Variants in TTN observed in about 807,000 individuals in gnomAD.
TTN encodes the protein connectin.
TTN carries 1,525 observed loss-of-function variants against 3,223.0 expected under a neutral mutation model. The ratio of observed to expected loss-of-function variants is 0.47; its 90% CI spans 0.45 to 0.49. The LOEUF (loss-of-function observed/expected upper bound fraction) is 0.49. Among genes scored for constraint, TTN ranks in the 20% least tolerant of loss-of-function variants. The pLI is 0.00. For missense variants in TTN, 40,786 were observed against 43,424.0 expected, an observed-to-expected ratio of 0.94 and a Z score of 5.40; for synonymous variants, 14,094 against 15,161.0, an observed-to-expected ratio of 0.93 and a Z score of 5.17.
intron 288 of TTN, 94 bp from the exon 289 acceptor site, chr2:178,599,944 T>C (rs2052850096): frequency 8.4e-7 from 1 of 1,195,864 alleles, no homozygotes. Flanking sequence ...TTGGATCCAC[T>C]GTAGGCAGAC....
In TTN at chr2:178,611,746, A is replaced by C. The variant is rs942730214; in HGVS notation, c.50551+12T>G. The C allele has an allele frequency of 1.2e-5, 20 of 1,611,250 alleles. No individual in the cohort carries two copies. Among genetic ancestry groups the C allele is most frequent in the Non-Finnish European group, 1.6e-5 (19 of 1,178,694 alleles). On this transcript the variant is annotated intron_variant, in intron 268 of 362. Transcript: ENST00000589042. ...TCTAGACAATATCTTGTGTATAATC[A>C]GCACTACTTACTTGTTGGATCTTCA...
chr2:178,664,803 CA>C, intron 166 of TTN, 48 bp downstream of exon 166: 1 of 1,609,952 alleles, frequency 6.2e-7, no homozygotes, highest in Non-Finnish European at 8.5e-7. Flanking sequence ...AAAATATTCT[CA>C]AAACTACAAG....
In TTN at chr2:178,706,565, C is replaced by A; in HGVS notation, c.29309G>T (p.Arg9770Leu). Residue 9770 changes from arginine to leucine, a missense_variant, in exon 102 of 363, where the codon CGA becomes CTA. Coordinates refer to ENST00000589042, the MANE Select transcript of TTN (RefSeq NM_001267550.2). ...DTTKTDSGLY[R>L]CVAFNEHGEI... ...ACCATGTTCGTTAAATGCCACGCAT[C>A]GGTATAACCCAGAATCAGTTTTTGT... 6.2e-7 allele frequency: 1 copy of A among 1,613,878 alleles called. No homozygotes were observed. Among genetic ancestry groups the A allele is most frequent in the Middle Eastern group, 1.6e-4 (1 of 6,062 alleles).
In TTN at chr2:178,546,782, C is replaced by A; in HGVS notation, c.94646G>T (p.Ser31549Ile). ...CAGCCAGCGACCATCTCCTACCTCA[C>A]TGACTGGCTTACGCTCTATGATGTA... ...VGYIIERKPV[S>I]EVGDGRWLKC... The change falls in exon 341 of 363, where the codon AGT (serine) becomes ATT (isoleucine). Residue 31549 changes from serine (S) to isoleucine (I), a missense_variant. By Grantham distance (142) the Ser-to-Ile change is moderately radical. Transcript: ENST00000589042. 1 of 1,613,760 alleles carries A rather than the reference C, an allele frequency of 6.2e-7. No homozygotes were observed.
Position 178,538,857 on chromosome 2 carries a change from A to C in TTN, c.98990-18T>G. On this transcript the variant is annotated intron_variant, in intron 353 of 362. Transcript: ENST00000589042. ...TGGTTTATCTGAAATATTTTAAAAT[A>C]ATGAAAAGGGAGTCAGCTTTACTGG... 1 of 1,588,432 alleles carries C rather than the reference A, an allele frequency of 6.3e-7. No individual in the cohort carries two copies. The highest frequency in any genetic ancestry group is 1.7e-4 in the Middle Eastern group (1 of 5,906).
chr2:178,592,233 T>C lies in TTN; in HGVS notation c.59671A>G (p.Lys19891Glu), dbSNP rs2050371739. The C allele has an allele frequency of 1.2e-6, 2 of 1,611,644 alleles. No individual in the cohort carries two copies. The highest frequency in any genetic ancestry group is 1.7e-6 in the Non-Finnish European group (2 of 1,178,876). ...PRDLEVSEIR[K>E]DSCYLTWKEP... ...TTCCAAGTAAGGTAACATGAATCTT[T>C]CCTAATTTCACTGACTTCCAGATCT... Residue 19891 changes from lysine (K) to glutamate (E), a missense_variant, in exon 302 of 363, where the codon AAA becomes GAA. Coordinates refer to ENST00000589042, the MANE Select transcript of TTN (RefSeq NM_001267550.2).
chr2:178,718,000 A>C lies in TTN; in HGVS notation c.25006T>G (p.Cys8336Gly). 1 of 1,613,804 alleles carries C rather than the reference A, an allele frequency of 6.2e-7. No homozygotes were observed. The highest frequency in any genetic ancestry group is 8.5e-7 in the Non-Finnish European group (1 of 1,179,718). The change falls in exon 86 of 363, where the codon TGC (cysteine) becomes GGC (glycine). Residue 8336 changes from cysteine (C) to glycine (G), a missense_variant. By Grantham distance (159) the Cys-to-Gly change is radical. Transcript: ENST00000589042. ...VDHSDVGEYS[C>G]KADNSVGAVA... is the part of the protein sequence containing the mutation. ...GCCCCCACACTGTTGTCTGCCTTGC[A>C]TGAATACTCTCCCACATCACTGTGA...
At chr2:178,794,644 A>G (rs2093675754) in intron 7 of TTN, 93 bp from the exon 8 acceptor site, 1 of 1,448,640 alleles carries the variant, frequency 6.9e-7, no homozygotes, top group Admixed American at 1.7e-5. Context: ...CACCTAGAGC[A>G]AAATACACTC....
intron 23 of TTN, 40 bp from the exon 24 acceptor site, chr2:178,779,158 C>G: frequency 6.2e-7 from 1 of 1,612,750 alleles, no homozygotes; most frequent in East Asian, 2.2e-5. Context: ...AAATTTACAT[C>G]AAATAGTTAT....
At chr2:178,751,276 A>G (rs1450240329) in intron 47 of TTN, 1 of 1,610,234 alleles carries the variant, frequency 6.2e-7, no homozygotes, top group Admixed American at 1.7e-5. Flanking sequence ...ATGTTTTTCT[A>G]GCCTCCCTTA....
At position 178,563,168 on chromosome 2, in the gene TTN, C is replaced by T. The variant is rs373745130; in HGVS notation, c.82964G>A (p.Gly27655Asp). The T allele has an allele frequency of 1.2e-5, 20 of 1,613,610 alleles. No individual in the cohort carries two copies. The highest frequency in any genetic ancestry group is 1.4e-5 in the Non-Finnish European group (16 of 1,179,724). ...RICAINSEGVGEPATLPGSVV... is the reference protein window; with the variant it reads ...RICAINSEGVDEPATLPGSVV... ...TGAGCCAGGTAGAGTTGCAGGTTCA[C>T]CTACACCTTCAGAATTGATGGCACA... Residue 27655 changes from glycine (G) to aspartate (D), a missense_variant, in exon 326 of 363, where the codon GGT (glycine) becomes GAT (aspartate). Physicochemically the swap from Gly to Asp is moderately conservative, Grantham distance 94 (BLOSUM62 -1). Transcript: ENST00000589042. This position sits in a 1 kb window ranked among gnomAD's most constrained non-coding sequence, Gnocchi z 4.5.
chr2:178,626,007 C>T (rs1462551051), intron 240 of TTN, among the ~76,000 whole-genome samples: 2 of 151,798 alleles, frequency 1.3e-5, no homozygotes, highest in African/African-American at 2.4e-5. Context: ...ATAGTATATA[C>T]GTATATGTGT....
Position 178,714,330 on chromosome 2 carries a change from G to C in TTN, c.26444C>G (p.Ala8815Gly), listed in dbSNP as rs1168744166. Residue 8815 changes from alanine to glycine, a missense_variant, in exon 91 of 363, where the codon GCT becomes GGT. Transcript: ENST00000589042. ...GKYTCQIKND[A>G]GMQECFATLS... ...CGTGGCGAAGCACTCTTGCATCCCA[G>C]CATCGTTTTTGATCTGACAAGTGTA... is the stretch of plus-strand genomic sequence containing the variant. 4.3e-6 allele frequency: 7 copies of C among 1,613,578 alleles called. No individual in the cohort carries two copies. Among genetic ancestry groups the C allele is most frequent in the African/African-American group, 1.3e-5 (1 of 75,008 alleles).
intron 82 of TTN, 26 bp downstream of exon 82, chr2:178,719,528 A>G: frequency 6.3e-7 from 1 of 1,590,500 alleles, no homozygotes; most frequent in Non-Finnish European, 8.6e-7. Flanking sequence ...AATATTGTAT[A>G]TTCATAAAAA....
intron 95 of TTN, 27 bp from the exon 96 acceptor site, chr2:178,712,249 G>A (rs2076770382): frequency 1.9e-6 from 3 of 1,609,886 alleles, no homozygotes; most frequent in African/African-American, 1.3e-5. Context: ...TAATCAATCA[G>A]TCATGAAGGA....
chr2:178,681,645 G>GT lies in TTN; in HGVS notation c.33172+15dup, dbSNP rs559323758. 9.4e-5 allele frequency: 150 copies of GT among 1,599,628 alleles called. 2 individuals carry two copies. The South Asian group carries it at 1.5e-3, about 16-fold the overall frequency. The stretch of plus-strand genomic sequence containing the variant: ...ACAAAGATCTCTTACAGGTAATAAT[G>GT]TTTTTTTCACTCTACCTTTAGCCGG... On this transcript the variant is annotated intron_variant, in intron 136 of 362. Transcript: ENST00000589042.
Position 178,526,891 on chromosome 2 carries a change from A to G in TTN, c.*121T>C, listed in dbSNP as rs1179441713. On this transcript the variant is annotated 3_prime_UTR_variant, in exon 363 of 363. Transcript: ENST00000589042. ...AATGAATATTTTTGAACTTTGACTC[A>G]TTTAGGTTGATACAAAACTACTTTT... is the stretch of plus-strand genomic sequence containing the variant. 13 of 897,590 alleles carry G rather than the reference A, an allele frequency of 1.4e-5. No homozygotes were observed. In the East Asian group the frequency reaches 2.4e-4, roughly 17 times the overall value. The allele number at this position is 897,590 out of a possible 1,614,324, so 55.6% of individuals were successfully genotyped here. A position where few individuals can be genotyped will look rare whatever the true frequency, so the allele number is the denominator to read the frequency against.
At chr2:178,670,941 C>T (rs1334658141) in intron 156 of TTN, 149 bp downstream of exon 156, 1 of 605,488 alleles carries the variant, frequency 1.7e-6, no homozygotes, top group African/African-American at 2.0e-5. Flanking sequence ...GGACCCTCAG[C>T]TGCTTTAAAG....
chr2:178,543,005 T>TA, intron 347 of TTN, 56 bp from the exon 348 acceptor site: 1 of 1,538,568 alleles, frequency 6.5e-7, no homozygotes. Flanking sequence ...GGTAAATTGT[T>TA]ACGAATTCTG....
Sources: gnomAD v4.1 joint callset for allele counts (sites outside exome capture counted in the v4.1 genomes callset) on GRCh38, gnomAD v4.1.1 for gene constraint, Gnocchi (gnomAD v3.1) non-coding constraint, MANE v1.5 for transcripts, NCBI Gene and HGNC (gene_info 2026-07-23, HGNC 2026-07-21) for gene names.